FGGY: variants seen among roughly 807,000 people sequenced by gnomAD.
FGGY encodes FGGY carbohydrate kinase domain-containing protein.
A neutral mutation model predicts 71.3 loss-of-function variants in FGGY; 72 were observed. The observed-to-expected ratio is 1.01, with a 90% CI of 0.84 to 1.23. The LOEUF is 1.23. Ranked by LOEUF, FGGY falls within the 50% of genes most tolerant of loss-of-function variation. The pLI is 0.00. For missense variants in FGGY, 668 were observed against 682.3 expected (o/e 0.98, Z 0.23); for synonymous variants, 251 against 250.3 (o/e 1.00, Z -0.02).
At chr1:59,419,831 AT>A (rs5774461) in intron 5 of FGGY, among the ~76,000 whole-genome samples, 26,154 of 151,570 alleles carry the variant, frequency 0.17, 2,759 homozygotes, top group East Asian at 0.36. Flanking sequence ...GTGTCAATGG[AT>A]TTTTTTTTCA....
chr1:59,594,385 T>C (rs1027284914), intron 8 of FGGY, among the ~76,000 whole-genome samples: 1 of 152,244 alleles, frequency 6.6e-6, no homozygotes, highest in Non-Finnish European at 1.5e-5. Context: ...TAACATTGCC[T>C]CCAATTTTCC....
chr1:59,558,698 G>A (rs1224863589), intron 8 of FGGY, among the ~76,000 whole-genome samples: 2 of 152,032 alleles, frequency 1.3e-5, no homozygotes, highest in East Asian at 1.9e-4. Flanking sequence ...GCAGAGAACC[G>A]ATCTGACCTC....
chr1:59,446,825 C>T (rs2071382429), intron 5 of FGGY, among the ~76,000 whole-genome samples: 1 of 152,148 alleles, frequency 6.6e-6, no homozygotes, highest in South Asian at 2.1e-4. Context: ...AAAGGTTTCC[C>T]TTGAAAGTTG....
chr1:59,700,837 G>A (rs2154018267), intron 14 of FGGY, among the ~76,000 whole-genome samples: 1 of 152,306 alleles, frequency 6.6e-6, no homozygotes, highest in South Asian at 2.1e-4. Flanking sequence ...TTGTGAGCAG[G>A]AGAGAGGCCC....
chr1:59,518,962 G>T (rs1362704921), intron 7 of FGGY, among the ~76,000 whole-genome samples: 1 of 152,204 alleles, frequency 6.6e-6, no homozygotes, highest in Non-Finnish European at 1.5e-5. Context: ...ACAGGTATGT[G>T]TTCCCTCATT....
intron 6 of FGGY, among the ~76,000 whole-genome samples, chr1:59,472,506 A>C (rs555828779): frequency 6.4e-4 from 98 of 152,372 alleles, no homozygotes; most frequent in African/African-American, 2.3e-3. Flanking sequence ...CTCCACCTGC[A>C]GCCCCGGTGC....
chr1:59,582,379 C>G lies in FGGY; in HGVS notation c.904-25424C>G, dbSNP rs746888851. Among the ~76,000 whole-genome samples the G allele has an allele frequency of 1.7e-4, 25 of 150,176 alleles. 1 individual carries two copies. Among genetic ancestry groups the G allele is most frequent in the Admixed American group, 7.2e-4 (11 of 15,180 alleles). On this transcript the variant is annotated intron_variant, in intron 8 of 15. Transcript: ENST00000303721. ...ATCATGTTATTCTTCTCCTTTTGCA[C>G]TGTCCTTACAGTAATTACTTTTAAA...
chr1:59,507,190 C>G (rs940641037), intron 6 of FGGY, among the ~76,000 whole-genome samples: 4 of 152,190 alleles, frequency 2.6e-5, no homozygotes, highest in Admixed American at 2.6e-4. Context: ...GGGTACAGCT[C>G]TGCATCGGCC....
At chr1:59,486,623 A>G (rs2093666229) in intron 6 of FGGY, among the ~76,000 whole-genome samples, 1 of 152,108 alleles carries the variant, frequency 6.6e-6, no homozygotes, top group African/African-American at 2.4e-5. Context: ...ACAGCTACCT[A>G]CCTGTCAGCT....
chr1:59,532,559 G>C (rs1412031781), intron 7 of FGGY, among the ~76,000 whole-genome samples: 1 of 152,254 alleles, frequency 6.6e-6, no homozygotes, highest in East Asian at 1.9e-4. Context: ...AAGGATGCAA[G>C]AGAAAAATTA....
intron 1 of FGGY, among the ~76,000 whole-genome samples, chr1:59,307,770 G>A (rs570498248): frequency 2.2e-5 from 3 of 138,380 alleles, no homozygotes; most frequent in Admixed American, 7.6e-5. Flanking sequence ...GGGAAGAATA[G>A]TGTATTTGAC....
chr1:59,500,431 G>A (rs1034608164), intron 6 of FGGY, among the ~76,000 whole-genome samples: 1 of 152,068 alleles, frequency 6.6e-6, no homozygotes, highest in Non-Finnish European at 1.5e-5. Flanking sequence ...TCAGTACCAG[G>A]CACAGAGCAA....
intron 1 of FGGY, among the ~76,000 whole-genome samples, chr1:59,313,371 T>G (rs2044733331): frequency 6.6e-6 from 1 of 152,196 alleles, no homozygotes; most frequent in African/African-American, 2.4e-5. Flanking sequence ...TTTCAGCCCC[T>G]TATTCCTAGC....
At chr1:59,425,160 A>G (rs1391582212) in intron 5 of FGGY, among the ~76,000 whole-genome samples, 1 of 152,220 alleles carries the variant, frequency 6.6e-6, no homozygotes, top group Middle Eastern at 3.2e-3. Flanking sequence ...AGCGTACATT[A>G]GGCTCTCAAT....
intron 6 of FGGY, among the ~76,000 whole-genome samples, chr1:59,502,514 ATGCTC>A (rs1306799584): frequency 6.6e-6 from 1 of 152,202 alleles, no homozygotes; most frequent in Non-Finnish European, 1.5e-5. Context: ...TAAAAAGACT[ATGCTC>A]TGAATAGTTC....
intron 10 of FGGY, among the ~76,000 whole-genome samples, chr1:59,632,135 A>G (rs1306185673): frequency 1.3e-5 from 2 of 152,214 alleles, no homozygotes; most frequent in South Asian, 2.1e-4. Context: ...AACCAAGCAA[A>G]CAAAGTCTTT....
chr1:59,379,304 T>C (rs919988177), intron 5 of FGGY, among the ~76,000 whole-genome samples: 1 of 152,140 alleles, frequency 6.6e-6, no homozygotes, highest in Non-Finnish European at 1.5e-5. Context: ...AGATAGTGTA[T>C]TCTACTACAT....
chr1:59,523,393 G>A lies in FGGY; in HGVS notation c.799+10954G>A, dbSNP rs948223731. Among the ~76,000 whole-genome samples the A allele has an allele frequency of 5.3e-5, 8 of 152,202 alleles. No homozygotes were observed. The East Asian group carries it at 5.8e-4, about 11-fold the overall frequency. On this transcript the variant is annotated intron_variant, in intron 7 of 15. Transcript: ENST00000303721. ...ACATCTCTAGTTATTGCCCCAAGGC[G>A]GCAGCCTCACATCTAAACTGCTGGC... is the stretch of plus-strand genomic sequence containing the variant.
Position 59,662,117 on chromosome 1 carries a change from C to T in FGGY, c.1296+1824C>T, listed in dbSNP as rs1436718263. 2.7e-5 allele frequency among the ~76,000 whole-genome samples: 4 copies of T among 149,496 alleles called. No homozygotes were observed. In the East Asian group the frequency reaches 8.2e-4, roughly 31 times the overall value. ...AGGGCAGATCACGAGGTCAGGAGATCGAGACTATCCCGGCTAACATGGTGA... is the reference window on the plus strand; with the variant it reads ...AGGGCAGATCACGAGGTCAGGAGATTGAGACTATCCCGGCTAACATGGTGA... On this transcript the variant is annotated intron_variant, in intron 12 of 15. Transcript: ENST00000303721.
Sources: gnomAD v4.1 joint callset for allele counts (sites outside exome capture counted in the v4.1 genomes callset) on GRCh38, gnomAD v4.1.1 for gene constraint, MANE v1.5 for transcripts, NCBI Gene and HGNC (gene_info 2026-07-23, HGNC 2026-07-21) for gene names.